The following MAGI2 variants were observed in gnomAD, a reference collection of about 807,000 sequenced individuals.
The protein encoded by MAGI2 is membrane-associated guanylate kinase, WW and PDZ domain-containing protein 2.
A neutral mutation model predicts 133.3 loss-of-function variants in MAGI2; 35 were observed. The observed-to-expected ratio is 0.26, with a 90% confidence interval of 0.20 to 0.35. MAGI2 has a LOEUF of 0.35. Among genes scored for constraint, MAGI2 ranks in the 10% least tolerant of loss-of-function variants. MAGI2 has a pLI of 1.00. For missense variants in MAGI2, 1,636 were observed against 1,863.4 expected (o/e 0.88, Z 2.25); for synonymous variants, 729 against 710.6 (o/e 1.03, Z -0.41).
Position 79,453,553 on chromosome 7 carries a change from C to T in MAGI2, c.-233G>A. 7.8e-7 allele frequency: 1 copy of T among 1,281,734 alleles called. No homozygotes were observed. The highest frequency in any genetic ancestry group is 9.8e-7 in the Non-Finnish European group (1 of 1,016,220). The allele number at this position is 1,281,734 out of a possible 1,614,324, so 79.4% of individuals were successfully genotyped here. A position where few individuals can be genotyped will look rare whatever the true frequency, so the allele number is the denominator to read the frequency against. ...GAGAGCTTGGATGAGGTTGTGCTGT[C>T]CCTTGAATGACACTCAAGGCTGTGG... On this transcript the variant is annotated 5_prime_UTR_variant, in exon 1 of 22. Coordinates refer to ENST00000354212, the MANE Select transcript of MAGI2 (RefSeq NM_012301.4).
chr7:78,065,150 G>A, intron 21 of MAGI2, among the ~76,000 whole-genome samples: 1 of 152,156 alleles, frequency 6.6e-6, no homozygotes, highest in Admixed American at 6.5e-5. Flanking sequence ...AGTTTCTAGG[G>A]CTAGAAGGTC....
At chr7:78,455,409 G>C (rs1369722327) in intron 6 of MAGI2, among the ~76,000 whole-genome samples, 1 of 151,980 alleles carries the variant, frequency 6.6e-6, no homozygotes, top group African/African-American at 2.4e-5. Flanking sequence ...ATCTACAATT[G>C]TAATAAACAT....
intron 9 of MAGI2, among the ~76,000 whole-genome samples, chr7:78,301,980 C>G (rs1797870054): frequency 6.6e-6 from 1 of 152,146 alleles, no homozygotes; most frequent in Non-Finnish European, 1.5e-5. Flanking sequence ...ACTAAATGAT[C>G]TAATGCACGT....
chr7:78,364,043 C>T (rs1054982808), intron 7 of MAGI2, among the ~76,000 whole-genome samples: 2 of 152,242 alleles, frequency 1.3e-5, no homozygotes, highest in South Asian at 2.1e-4. Flanking sequence ...CTCCCTCCTC[C>T]TTCTTCTCTA....
intron 2 of MAGI2, chr7:78,902,694 C>T (rs2151595497): frequency 6.6e-6 from 1 of 152,260 alleles, no homozygotes; most frequent in Middle Eastern, 3.4e-3. Context: ...AACATGCAAA[C>T]TTTCCTTTTA....
intron 2 of MAGI2, among the ~76,000 whole-genome samples, chr7:78,779,529 C>G (rs1359861724): frequency 6.6e-6 from 1 of 152,102 alleles, no homozygotes; most frequent in African/African-American, 2.4e-5. Flanking sequence ...ACCTAGAGAC[C>G]AGAAGTTGGT....
At chr7:78,448,032 TG>T (rs1584173608) in intron 6 of MAGI2, among the ~76,000 whole-genome samples, 2 of 152,142 alleles carry the variant, frequency 1.3e-5, no homozygotes, top group East Asian at 3.9e-4. Context: ...TTTGTCTTTT[TG>T]TGCCTGGTTT....
intron 1 of MAGI2, among the ~76,000 whole-genome samples, chr7:79,450,415 G>C (rs1483968801): frequency 2.0e-5 from 3 of 152,040 alleles, no homozygotes; most frequent in Non-Finnish European, 4.4e-5. Context: ...ATAGCAACAT[G>C]AATCATATTT....
chr7:78,188,378 G>T (rs1484625102), intron 12 of MAGI2, among the ~76,000 whole-genome samples: 1 of 152,076 alleles, frequency 6.6e-6, no homozygotes, highest in African/African-American at 2.4e-5. Context: ...CAGCTGAAAG[G>T]CAAATTTTTT....
chr7:78,315,754 A>T (rs1248769232), intron 9 of MAGI2, among the ~76,000 whole-genome samples: 1 of 152,164 alleles, frequency 6.6e-6, no homozygotes, highest in Non-Finnish European at 1.5e-5. Flanking sequence ...TTCCATTTCA[A>T]CCTCGTTTGT....
intron 3 of MAGI2, among the ~76,000 whole-genome samples, chr7:78,611,981 T>C (rs1806497679): frequency 6.6e-6 from 1 of 152,214 alleles, no homozygotes; most frequent in Non-Finnish European, 1.5e-5. Context: ...TCTTGATATA[T>C]TTAAGTCCAA....
intron 2 of MAGI2, among the ~76,000 whole-genome samples, chr7:78,893,658 C>T (rs1449457915): frequency 6.6e-6 from 1 of 151,894 alleles, no homozygotes; most frequent in Non-Finnish European, 1.5e-5. Context: ...CATGTTCTCA[C>T]TCACAGGTAG....
chr7:78,533,718 T>C (rs1046192352), intron 3 of MAGI2, among the ~76,000 whole-genome samples: 1 of 152,206 alleles, frequency 6.6e-6, no homozygotes, highest in Non-Finnish European at 1.5e-5. Context: ...CATTTTTACA[T>C]TGATTATATG....
chr7:78,286,716 G>C (rs1796179411), intron 9 of MAGI2, among the ~76,000 whole-genome samples: 1 of 152,106 alleles, frequency 6.6e-6, no homozygotes, highest in Non-Finnish European at 1.5e-5. Flanking sequence ...AAAGAGGGAA[G>C]CTGCAGCTCA....
chr7:78,688,658 GA>G (rs1185547627), intron 2 of MAGI2, among the ~76,000 whole-genome samples: 1 of 152,184 alleles, frequency 6.6e-6, no homozygotes, highest in Admixed American at 6.5e-5. Context: ...TTATCAGTGC[GA>G]GGTGGAAAGG....
chr7:79,175,018 T>C (rs964830835), intron 1 of MAGI2, among the ~76,000 whole-genome samples: 3 of 151,840 alleles, frequency 2.0e-5, no homozygotes, highest in Non-Finnish European at 2.9e-5. Flanking sequence ...TCCAAAGAAG[T>C]TGTCTGAAAT....
At chr7:79,354,421 C>T (rs1011445248) in intron 1 of MAGI2, 2 of 152,396 alleles carry the variant, frequency 1.3e-5, no homozygotes, top group South Asian at 4.1e-4. Context: ...GCCTAAACTT[C>T]CAATTTTGCC....
intron 1 of MAGI2, among the ~76,000 whole-genome samples, chr7:79,283,128 A>C (rs765929342): frequency 2.0e-5 from 3 of 152,060 alleles, no homozygotes; most frequent in Non-Finnish European, 4.4e-5. Context: ...TTGAATCTTG[A>C]AGCCAAGAAA....
At chr7:78,274,874 G>A (rs1044071613) in intron 9 of MAGI2, among the ~76,000 whole-genome samples, 2 of 152,172 alleles carry the variant, frequency 1.3e-5, no homozygotes, top group Non-Finnish European at 2.9e-5. Context: ...AGCTTGCTGG[G>A]CTCTGTGGGG....
Sources: allele counts gnomAD v4.1 joint callset (sites outside exome capture counted in the v4.1 genomes callset), GRCh38; gene constraint gnomAD v4.1.1; transcripts MANE v1.5; gene names NCBI Gene and HGNC (gene_info 2026-07-23, HGNC 2026-07-21).